Variants in GXYLT2 observed in about 807,000 individuals in gnomAD.
The protein encoded by GXYLT2 is glycosyltransferase 8 domain containing 4.
Under a neutral mutation model 45.8 loss-of-function variants are expected in GXYLT2, and 53 were observed. That is an observed-to-expected ratio of 1.16 (90% confidence interval 0.93 to 1.46). The LOEUF is 1.46. Among genes scored for constraint, GXYLT2 ranks in the 40% most tolerant of loss-of-function variants. The pLI is 0.00. For missense variants in GXYLT2, 551 were observed against 544.4 expected (o/e 1.01, Z -0.12); for synonymous variants, 219 against 214.2 (o/e 1.02, Z -0.19).
chr3:72,930,562 C>T (rs1300101000), intron 3 of GXYLT2, among the ~76,000 whole-genome samples: 2 of 149,828 alleles, frequency 1.3e-5, no homozygotes, highest in African/African-American at 4.9e-5. Flanking sequence ...ATATGAGTGC[C>T]CCTCTTTTCT....
rs183033936 is a variant in GXYLT2 at position 72,895,547 on chromosome 3, A to G, written c.275+7039A>G. Among the ~76,000 whole-genome samples the G allele has an allele frequency of 3.8e-3, 578 of 152,344 alleles. 2 individuals carry two copies. The highest frequency in any genetic ancestry group is 6.8e-3 in the Middle Eastern group (2 of 294). ...GAGAGTCTTTGGAAGAGAATTTGAG[A>G]ACAGATTTGTTTTCCTTAGGAATAC... On this transcript the variant is annotated intron_variant, in intron 1 of 6. Coordinates refer to ENST00000389617, the MANE Select transcript of GXYLT2 (RefSeq NM_001080393.2).
At chr3:72,969,736 A>T (rs1041389598) in intron 6 of GXYLT2, among the ~76,000 whole-genome samples, 3 of 151,850 alleles carry the variant, frequency 2.0e-5, no homozygotes, top group Admixed American at 6.6e-5. Context: ...TTTACCATCT[A>T]CTCCTTTACA....
intron 3 of GXYLT2, among the ~76,000 whole-genome samples, chr3:72,946,322 A>G (rs1213954858): frequency 6.7e-6 from 1 of 150,118 alleles, no homozygotes; most frequent in Non-Finnish European, 1.5e-5. Context: ...ATTTTAAAGT[A>G]CATTTGAGGG....
At chr3:72,968,656 A>ACG (rs1710920317) in intron 6 of GXYLT2, among the ~76,000 whole-genome samples, 9 of 152,176 alleles carry the variant, frequency 5.9e-5, no homozygotes, top group Admixed American at 4.6e-4. Flanking sequence ...GGCTGGATGC[A>ACG]GTGGCTCATG....
At chr3:72,910,375 A>G (rs774713396) in intron 2 of GXYLT2, among the ~76,000 whole-genome samples, 1 of 152,036 alleles carries the variant, frequency 6.6e-6, no homozygotes, top group Non-Finnish European at 1.5e-5. Context: ...TAGACAGAAG[A>G]CTCAAATTCA....
chr3:72,968,425 CAG>C (rs1383431482), intron 6 of GXYLT2, among the ~76,000 whole-genome samples: 1 of 152,222 alleles, frequency 6.6e-6, no homozygotes, highest in African/African-American at 2.4e-5. Context: ...GTTACTCAAT[CAG>C]GGGTCAAGGT....
chr3:72,955,476 C>G, intron 4 of GXYLT2, 127 bp downstream of exon 4: 1 of 732,056 alleles, frequency 1.4e-6, no homozygotes, highest in Non-Finnish European at 2.2e-6. Flanking sequence ...TAAAAGGAAC[C>G]AGAGAAAAGT....
chr3:72,916,563 A>G (rs1355559960), intron 2 of GXYLT2, among the ~76,000 whole-genome samples: 1 of 151,768 alleles, frequency 6.6e-6, no homozygotes, highest in Non-Finnish European at 1.5e-5. Context: ...TTTTTGAGAT[A>G]GAGTCTCGCT....
At chr3:72,957,778 T>C (rs1184074594) in intron 5 of GXYLT2, among the ~76,000 whole-genome samples, 1 of 152,104 alleles carries the variant, frequency 6.6e-6, no homozygotes, top group Non-Finnish European at 1.5e-5. Context: ...CAAAACATCC[T>C]AGAAAAAGAA....
chr3:72,897,973 A>G (rs1317145941), intron 1 of GXYLT2, among the ~76,000 whole-genome samples: 4 of 152,204 alleles, frequency 2.6e-5, no homozygotes, highest in Non-Finnish European at 5.9e-5. Flanking sequence ...TTCAAGTTTA[A>G]AAGTTTTTAT....
At chr3:72,972,642 GAA>G (rs71126813) in intron 6 of GXYLT2, among the ~76,000 whole-genome samples, 2 of 84,546 alleles carry the variant, frequency 2.4e-5, no homozygotes, top group Non-Finnish European at 2.1e-5. Context: ...CTCTGTCTCG[GAA>G]AAAAAAAAAA....
At chr3:72,945,908 A>G (rs1418974470) in intron 3 of GXYLT2, among the ~76,000 whole-genome samples, 3 of 152,236 alleles carry the variant, frequency 2.0e-5, no homozygotes, top group Non-Finnish European at 2.9e-5. Context: ...GCAATGATCA[A>G]AAACAAGAGT....
chr3:72,975,282 C>A lies in GXYLT2; in HGVS notation c.*123C>A. On this transcript the variant is annotated 3_prime_UTR_variant, in exon 7 of 7. Coordinates refer to ENST00000389617, the MANE Select transcript of GXYLT2 (RefSeq NM_001080393.2). ...CTCCATGACTGTTGAGTTTTAAAAA[C>A]CTCGTTAAATTTTGCCAAATCAGTT... 1.5e-6 allele frequency: 1 copy of A among 676,764 alleles called. No individual in the cohort carries two copies. The highest frequency in any genetic ancestry group is 3.3e-5 in the East Asian group (1 of 30,572). 41.9% of individuals were successfully genotyped at this position (676,764 alleles called of 1,614,324 possible).
chr3:72,920,179 G>A (rs35737315), intron 2 of GXYLT2, among the ~76,000 whole-genome samples: 4 of 151,796 alleles, frequency 2.6e-5, no homozygotes, highest in Admixed American at 6.6e-5. Flanking sequence ...CTGTCACCCA[G>A]GCTGGAGTGC....
chr3:72,930,280 T>A (rs1164378133), intron 3 of GXYLT2, among the ~76,000 whole-genome samples: 1 of 151,410 alleles, frequency 6.6e-6, no homozygotes, highest in Non-Finnish European at 1.5e-5. Flanking sequence ...TGCGGGCAGA[T>A]CACTTGAGCT....
intron 3 of GXYLT2, among the ~76,000 whole-genome samples, chr3:72,927,849 T>C (rs1051670330): frequency 7.2e-5 from 11 of 152,330 alleles, no homozygotes; most frequent in Admixed American, 7.2e-4. Context: ...ACTCATACAC[T>C]ATTAAAAGTT....
At chr3:72,897,312 C>T (rs1422695215) in intron 1 of GXYLT2, among the ~76,000 whole-genome samples, 1 of 152,222 alleles carries the variant, frequency 6.6e-6, no homozygotes, top group African/African-American at 2.4e-5. Flanking sequence ...CTCCTTTTAG[C>T]TCTGCTTCCT....
intron 5 of GXYLT2, among the ~76,000 whole-genome samples, chr3:72,962,814 G>A (rs1710792921): frequency 6.6e-6 from 1 of 152,118 alleles, no homozygotes; most frequent in South Asian, 2.1e-4. Flanking sequence ...GACCCTCAAG[G>A]CTGGAGAGAG....
At chr3:72,893,565 T>A (rs961415392) in intron 1 of GXYLT2, among the ~76,000 whole-genome samples, 2 of 152,208 alleles carry the variant, frequency 1.3e-5, no homozygotes, top group Non-Finnish European at 2.9e-5. Flanking sequence ...AGTGATCTCC[T>A]TAAATCACTG....
Sources: allele counts gnomAD v4.1 joint callset (sites outside exome capture counted in the v4.1 genomes callset), GRCh38; gene constraint gnomAD v4.1.1; transcripts MANE v1.5; gene names NCBI Gene and HGNC (gene_info 2026-07-23, HGNC 2026-07-21).